COL4A4: variants seen among roughly 807,000 people sequenced by gnomAD.
The protein encoded by COL4A4 is collagen alpha-4(IV) chain.
A neutral mutation model predicts 192.9 loss-of-function variants in COL4A4; 105 were observed. The ratio of observed to expected loss-of-function variants is 0.54; its 90% CI spans 0.46 to 0.64. The LOEUF (loss-of-function observed/expected upper bound fraction) is 0.64, where lower values mean the gene tolerates loss of function less well. Ranked by LOEUF, COL4A4 falls within the 30% of genes least tolerant of loss-of-function variation. COL4A4 has a pLI of 0.00. For synonymous variants in COL4A4, 762 were observed against 769.9 expected (o/e 0.99, Z 0.17); for missense variants, 1,967 against 2,169.3 (o/e 0.91, Z 1.85).
intron 45 of COL4A4, among the ~76,000 whole-genome samples, chr2:227,011,977 A>C (rs1357501396): frequency 2.0e-5 from 3 of 152,238 alleles, no homozygotes; most frequent in Non-Finnish European, 4.4e-5. Context: ...TCTAGGTTTT[A>C]TGATGGTTTA....
intron 4 of COL4A4, among the ~76,000 whole-genome samples, chr2:227,122,325 T>C (rs2061844422): frequency 6.6e-6 from 1 of 152,214 alleles, no homozygotes; most frequent in Non-Finnish European, 1.5e-5. Context: ...ATTTCATACC[T>C]CTCAAAATTT....
At chr2:227,036,543 T>C (rs570362595) in intron 37 of COL4A4, among the ~76,000 whole-genome samples, 5 of 152,326 alleles carry the variant, frequency 3.3e-5, no homozygotes, top group Admixed American at 2.0e-4. Context: ...TAAGTAATGG[T>C]TGAAAAACCT....
Position 227,047,540 on chromosome 2 carries a change from C to T in COL4A4, c.3224G>A (p.Gly1075Asp). The T allele has an allele frequency of 6.2e-7, 1 of 1,613,124 alleles. No individual in the cohort carries two copies. Among genetic ancestry groups the T allele is most frequent in the South Asian group, 1.1e-5 (1 of 91,028 alleles). ...TGGACCAAAGTGACTGGCAGGGTCA[C>T]CTTTGTTTCCTGAAAGGGATAAAAT... ...DGARGPKGNK[G>D]DPASHFGPPG... is the part of the protein sequence containing the mutation. Residue 1075 changes from glycine (G) to aspartate (D), a missense_variant, in exon 35 of 48, where the codon GGT becomes GAT. Transcript: ENST00000396625.
rs192231998 is a variant in COL4A4 at position 227,078,159 on chromosome 2, C to T, written c.1804-82G>A. 19 of 1,403,558 alleles carry T rather than the reference C, an allele frequency of 1.4e-5. No homozygotes were observed. The African/African-American group carries it at 2.7e-4, about 20-fold the overall frequency. 86.9% of individuals were successfully genotyped at this position (1,403,558 alleles called of 1,614,324 possible). On this transcript the variant is annotated intron_variant, in intron 24 of 47. Transcript: ENST00000396625. Reference sequence around the variant, plus strand: ...GCAGTCATTGTAGGTTACAGAAACACACGCAAAAGTCCATAATTTCAGGAG... The same window carrying T: ...GCAGTCATTGTAGGTTACAGAAACATACGCAAAAGTCCATAATTTCAGGAG...
chr2:226,984,071 T>C, the COL4A4 span, among the ~76,000 whole-genome samples: 48 of 152,144 alleles, frequency 3.2e-4, no homozygotes, highest in African/African-American at 1.1e-3. Flanking sequence ...AAGCCACCAC[T>C]TAGGACAGAG....
intron 22 of COL4A4, among the ~76,000 whole-genome samples, chr2:227,083,851 G>A (rs2059445386): frequency 6.6e-6 from 1 of 152,126 alleles, no homozygotes; most frequent in Non-Finnish European, 1.5e-5. Flanking sequence ...GAGGGGAGGA[G>A]GGTACCAGTG....
chr2:227,112,034 T>A (rs1462362184), intron 8 of COL4A4, among the ~76,000 whole-genome samples: 1 of 152,158 alleles, frequency 6.6e-6, no homozygotes, highest in Non-Finnish European at 1.5e-5. Context: ...GTTGCTGGTG[T>A]CTTTCCACAC....
At chr2:227,108,656 T>C (rs1157252266) in intron 11 of COL4A4, 34 bp from the exon 12 acceptor site, 1 of 1,612,812 alleles carries the variant, frequency 6.2e-7, no homozygotes, top group Non-Finnish European at 8.5e-7. Flanking sequence ...CTAATTGCTT[T>C]TGAATTTTAA....
chr2:226,969,472 T>C, the COL4A4 span, among the ~76,000 whole-genome samples: 1 of 151,464 alleles, frequency 6.6e-6, no homozygotes. Context: ...GAGTCATTTA[T>C]TATAAATGTG....
intron 43 of COL4A4, among the ~76,000 whole-genome samples, chr2:227,025,350 G>GA (rs1966787778): frequency 1.3e-5 from 2 of 152,312 alleles, no homozygotes; most frequent in East Asian, 3.9e-4. Context: ...TGTGCTCCTT[G>GA]AAAATGGACT....
At chr2:227,031,007 A>G (rs1037457521) in intron 40 of COL4A4, among the ~76,000 whole-genome samples, 1 of 145,546 alleles carries the variant, frequency 6.9e-6, no homozygotes, top group African/African-American at 2.6e-5. Flanking sequence ...AGATGGATGG[A>G]TGGATGGATA....
At chr2:226,983,322 C>T in the COL4A4 span, among the ~76,000 whole-genome samples, 4 of 152,064 alleles carry the variant, frequency 2.6e-5, no homozygotes, top group African/African-American at 9.7e-5. Flanking sequence ...TTTAGCCCTT[C>T]GAAGCATGCT....
intron 26 of COL4A4, among the ~76,000 whole-genome samples, chr2:227,062,107 G>C (rs553643032): frequency 6.6e-6 from 1 of 151,876 alleles, no homozygotes; most frequent in African/African-American, 2.4e-5. Flanking sequence ...GCACGGTGGC[G>C]GGTACCTGTA....
intron 25 of COL4A4, among the ~76,000 whole-genome samples, chr2:227,065,029 C>T (rs1035849197): frequency 1.3e-5 from 2 of 152,104 alleles, no homozygotes; most frequent in Admixed American, 6.5e-5. Context: ...AGTGGGTGCG[C>T]GCACCGTGCA....
chr2:227,145,360 T>G (rs1383891278), intron 2 of COL4A4, among the ~76,000 whole-genome samples: 1 of 152,078 alleles, frequency 6.6e-6, no homozygotes, highest in East Asian at 1.9e-4. Flanking sequence ...GATAAGAGAA[T>G]CACTTGAACC....
rs2061620013 is a variant in COL4A4, at chr2:227,118,765, C to T, written c.373-4G>A. 1.2e-6 allele frequency: 2 copies of T among 1,604,628 alleles called. No homozygotes were observed. The highest frequency in any genetic ancestry group is 1.7e-6 in the Non-Finnish European group (2 of 1,172,616). On this transcript the variant is annotated splice_polypyrimidine_tract_variant and splice_region_variant and intron_variant, in intron 6 of 47. Transcript: ENST00000396625. ...GTCCAGGAGGCCCTGGGTGCCCCTG[C>T]AGAAAACAAAATTATAAGTGAAGCA... is the stretch of plus-strand genomic sequence containing the variant.
At chr2:227,000,258 C>G (rs1306771225), downstream of COL4A4, among the ~76,000 whole-genome samples, 1 of 152,242 alleles carries the variant, frequency 6.6e-6, no homozygotes, top group African/African-American at 2.4e-5. Flanking sequence ...GATTCAGACT[C>G]CTGCTCCCCA....
intron 22 of COL4A4, 128 bp from the exon 23 acceptor site, chr2:227,082,315 G>A (rs1174365748): frequency 4.5e-6 from 4 of 887,290 alleles, no homozygotes; most frequent in Non-Finnish European, 7.5e-6. Context: ...GGCATTCTTG[G>A]TCTCTTCCAC....
rs57119611 is a variant in COL4A4, at chr2:227,020,880, C to CT, written c.4216+1167dup. ...CAAACCATTCGGAGAACACTTTTTT[C>CT]TTTTTTTTTTTTTTTTGAGATGGAG... On this transcript the variant is annotated intron_variant, in intron 44 of 47. Transcript: ENST00000396625. Among the ~76,000 whole-genome samples, 887 of 127,586 alleles carry CT rather than the reference C, an allele frequency of 7.0e-3. 17 individuals carry two copies. The highest frequency in any genetic ancestry group is 0.024 in the African/African-American group (748 of 31,628). 83.7% of individuals were successfully genotyped at this position (127,586 alleles called of 152,430 possible).
Sources: gnomAD v4.1 joint callset for allele counts (sites outside exome capture counted in the v4.1 genomes callset) on GRCh38, gnomAD v4.1.1 for gene constraint, MANE v1.5 for transcripts, NCBI Gene and HGNC (gene_info 2026-07-23, HGNC 2026-07-21) for gene names.